The following ERG variants were observed in gnomAD, a reference collection of about 807,000 sequenced individuals.
ERG encodes ETS transcription factor ERG, also known as transcriptional regulator ERG.
ERG carries 9 observed loss-of-function variants against 55.3 expected under a neutral mutation model. The ratio of observed to expected loss-of-function variants is 0.16; its 90% CI spans 0.10 to 0.28. ERG has a LOEUF of 0.28. Ranked by LOEUF, ERG falls within the 10% of genes least tolerant of loss-of-function variation. The probability of loss-of-function intolerance (pLI) is 1.00; values close to 1 mark genes in which losing one functional copy is unlikely to be tolerated. For missense variants in ERG, 434 were observed against 631.6 expected, an observed-to-expected ratio of 0.69 and a Z score of 3.35; for synonymous variants, 223 against 237.3, an observed-to-expected ratio of 0.94 and a Z score of 0.55.
At chr21:38,399,452 T>G (rs79100046) in intron 6 of ERG, among the ~76,000 whole-genome samples, 3,870 of 152,290 alleles carry the variant, frequency 0.025, 179 homozygotes, top group African/African-American at 0.087. Flanking sequence ...ATTCCGGATA[T>G]GTGATAGAGT....
intron 2 of ERG, among the ~76,000 whole-genome samples, chr21:38,431,172 T>C (rs1340508597): frequency 1.3e-5 from 2 of 152,180 alleles, no homozygotes; most frequent in Non-Finnish European, 2.9e-5. Context: ...ATCAAATACA[T>C]TGGAAATTTT....
intron 1 of ERG, among the ~76,000 whole-genome samples, chr21:38,636,714 C>T (rs1420912129): frequency 2.6e-5 from 4 of 152,126 alleles, no homozygotes; most frequent in Non-Finnish European, 1.5e-5. Flanking sequence ...AGCAGCTCTG[C>T]AGGATGTCAC....
At chr21:38,653,007 C>G (rs994326433) in intron 1 of ERG, among the ~76,000 whole-genome samples, 2 of 152,220 alleles carry the variant, frequency 1.3e-5, no homozygotes, top group Admixed American at 1.3e-4. Flanking sequence ...GCACGGCATT[C>G]GCATTCACCG....
intron 1 of ERG, among the ~76,000 whole-genome samples, chr21:38,576,569 C>T (rs1329714357): frequency 6.6e-6 from 1 of 152,188 alleles, no homozygotes; most frequent in Non-Finnish European, 1.5e-5. Context: ...CCAATATATT[C>T]CTTTATTCAA....
At chr21:38,617,776 T>A (rs2060267242) in intron 1 of ERG, among the ~76,000 whole-genome samples, 1 of 152,200 alleles carries the variant, frequency 6.6e-6, no homozygotes. Flanking sequence ...CCATTGTTGA[T>A]ATTTGATATG....
At chr21:38,634,278 C>G (rs1310663328) in intron 1 of ERG, among the ~76,000 whole-genome samples, 3 of 152,110 alleles carry the variant, frequency 2.0e-5, no homozygotes, top group Admixed American at 6.6e-5. Context: ...CCATTATGAG[C>G]AAAAGTCGCC....
At chr21:38,605,956 G>C (rs1317303921) in intron 1 of ERG, among the ~76,000 whole-genome samples, 1 of 152,180 alleles carries the variant, frequency 6.6e-6, no homozygotes, top group Non-Finnish European at 1.5e-5. Flanking sequence ...ATGATTGATA[G>C]AAGTAGGTAG....
chr21:38,455,878 C>T (rs1278181839), intron 1 of ERG, among the ~76,000 whole-genome samples: 1 of 151,022 alleles, frequency 6.6e-6, no homozygotes, highest in Non-Finnish European at 1.5e-5. Context: ...TCCCCCCCCT[C>T]CCCACAGACA....
chr21:38,534,842 G>A (rs2059697795), intron 2 of ERG, among the ~76,000 whole-genome samples: 1 of 152,112 alleles, frequency 6.6e-6, no homozygotes, highest in Non-Finnish European at 1.5e-5. Flanking sequence ...ACAGATGAAT[G>A]AATAAACAAA....
the ERG span, among the ~76,000 whole-genome samples, chr21:38,369,458 A>C: frequency 6.6e-6 from 1 of 152,058 alleles, no homozygotes; most frequent in Non-Finnish European, 1.5e-5. Flanking sequence ...CACTTTTTAC[A>C]AGGGTTGTTT....
In ERG at chr21:38,527,088, A is replaced by T. The variant is rs535816374; in HGVS notation, c.-41+48574T>A. Among the ~76,000 whole-genome samples the T allele has an allele frequency of 5.1e-4, 77 of 152,306 alleles. 2 individuals carry two copies. In the South Asian group the frequency reaches 0.016, roughly 31 times the overall value. ...TCCACGACGCATACTGAGCACCATA[A>T]TGAGTGAAGTCTCTGAGATGACCTC... On this transcript the variant is annotated intron_variant, in intron 2 of 8. Coordinates refer to the ERG transcript ENST00000398897.
the ERG span, chr21:38,367,758 C>T: frequency 1.1e-5 from 5 of 435,504 alleles, no homozygotes; most frequent in Non-Finnish European, 2.3e-5. Context: ...TCAACAATAA[C>T]TAACCAACAG....
At chr21:38,477,600 G>A (rs151318759) in intron 1 of ERG, among the ~76,000 whole-genome samples, 1 of 152,274 alleles carries the variant, frequency 6.6e-6, no homozygotes, top group Non-Finnish European at 1.5e-5. Flanking sequence ...AAGAGAAATA[G>A]CTGAGGTCAC....
intron 1 of ERG, among the ~76,000 whole-genome samples, chr21:38,576,906 C>T (rs2059998018): frequency 6.6e-6 from 1 of 152,198 alleles, no homozygotes; most frequent in Admixed American, 6.5e-5. Context: ...CAGGCTCCAG[C>T]CTCCAGTACC....
At chr21:38,532,881 C>T (rs780339677) in intron 2 of ERG, among the ~76,000 whole-genome samples, 1 of 152,160 alleles carries the variant, frequency 6.6e-6, no homozygotes, top group East Asian at 1.9e-4. Flanking sequence ...TGTCCATTGA[C>T]CCAACAAGCT....
At chr21:38,612,770 T>C (rs1210469104) in intron 1 of ERG, among the ~76,000 whole-genome samples, 1 of 151,890 alleles carries the variant, frequency 6.6e-6, no homozygotes, top group Non-Finnish European at 1.5e-5. Context: ...TTCAGGCGAT[T>C]CTCCTGCCTC....
chr21:38,367,702 T>C, the ERG span: 5 of 493,720 alleles, frequency 1.0e-5, no homozygotes, highest in Non-Finnish European at 2.0e-5. Context: ...AGGAAAATCA[T>C]AGGCGACCCA....
upstream of ERG, among the ~76,000 whole-genome samples, chr21:38,587,887 T>C (rs1205261265): frequency 6.6e-6 from 1 of 152,264 alleles, no homozygotes; most frequent in Non-Finnish European, 1.5e-5. Flanking sequence ...ATTTGATTTA[T>C]GGTTGAGACA....
intron 3 of ERG, among the ~76,000 whole-genome samples, chr21:38,406,715 C>G (rs1461316230): frequency 6.6e-6 from 1 of 152,006 alleles, no homozygotes; most frequent in Non-Finnish European, 1.5e-5. Context: ...TGGGAACAGA[C>G]TTTCTTCTCT....
Sources: gnomAD v4.1 joint callset for allele counts (sites outside exome capture counted in the v4.1 genomes callset) on GRCh38, gnomAD v4.1.1 for gene constraint, MANE v1.5 for transcripts, NCBI Gene and HGNC (gene_info 2026-07-23, HGNC 2026-07-21) for gene names.